The following GAS2L1 variants were observed in gnomAD, a reference collection of about 807,000 sequenced individuals.
GAS2L1 encodes the protein GAS2-like protein 1.
A neutral mutation model predicts 44.0 loss-of-function variants in GAS2L1; 26 were observed. That is an observed-to-expected ratio of 0.59 (90% CI 0.43 to 0.82). The LOEUF is 0.82. Among genes scored for constraint, GAS2L1 ranks in the 40% least tolerant of loss-of-function variants. The pLI is 0.00. For synonymous variants in GAS2L1, 426 were observed against 415.9 expected, an observed-to-expected ratio of 1.02 and a Z score of -0.30; for missense variants, 1,006 against 983.0, an observed-to-expected ratio of 1.02 and a Z score of -0.31.
At chr22:29,312,621 G>A in exon 5 of GAS2L1, 2 of 600,196 alleles carry the variant, frequency 3.3e-6, no homozygotes, top group Non-Finnish European at 5.5e-6. Flanking sequence ...AGACCCCTTG[G>A]GACCACATGG....
chr22:29,312,334 C>T (rs758277407), exon 5 of GAS2L1: 2 of 1,605,086 alleles, frequency 1.2e-6, no homozygotes, highest in Non-Finnish European at 1.7e-6. Context: ...ACTGAACCCT[C>T]GAGGACCTGG....
Position 29,312,298 on chromosome 22 carries a change from A to G in GAS2L1, c.1847A>G (p.Asp616Gly), listed in dbSNP as rs774816912. The change falls in exon 5 of 5, where the codon GAT becomes GGT. Residue 616 changes from aspartate (D) to glycine (G), a missense_variant. Asp to Gly is a moderately conservative substitution (Grantham distance 94). Transcript: ENST00000618518. ...TGCCCTGGCATGGGGGGGCCACTAG[A>G]TGCACCTGGGAGCCCCCTGGCTTGC... The G allele has an allele frequency of 2.5e-6, 4 of 1,608,302 alleles. No individual in the cohort carries two copies. The African/African-American group carries it at 4.0e-5, about 16-fold the overall frequency.
exon 1 of GAS2L1, chr22:29,308,052 C>T: frequency 6.9e-6 from 10 of 1,457,850 alleles, no homozygotes; most frequent in Non-Finnish European, 9.1e-6. Context: ...TTACTGGGTC[C>T]CCACAGCGAT....
At position 29,310,566 on chromosome 22, in the gene GAS2L1, C is replaced by G; in HGVS notation, c.741+20C>G. On this transcript the variant is annotated intron_variant, in intron 2 of 4. Transcript: ENST00000618518. ...GTGCGGGTAAGGGCCTGGGGCCGCC[C>G]CAGCGGGCAGCAGCCAAGGTGGTGG... 3.1e-6 allele frequency: 5 copies of G among 1,590,284 alleles called. No homozygotes were observed. Among genetic ancestry groups the G allele is most frequent in the Non-Finnish European group, 4.3e-6 (5 of 1,158,310 alleles).
intron 1 of GAS2L1, 75 bp downstream of exon 2, chr22:29,308,813 G>C (rs1408033499): frequency 2.0e-5 from 24 of 1,198,790 alleles, no homozygotes; most frequent in Non-Finnish European, 2.6e-5. Context: ...GAACCTCCCA[G>C]GGTCCACCCT....
intron 1 of GAS2L1, 186 bp from the exon 3 acceptor site, chr22:29,310,253 A>AT (rs2061388365): frequency 8.4e-6 from 3 of 355,390 alleles, no homozygotes; most frequent in African/African-American, 2.2e-5. Flanking sequence ...AAAAAAAAAA[A>AT]AAAATAAAAA....
chr22:29,307,992 T>A, exon 1 of GAS2L1: 1 of 830,048 alleles, frequency 1.2e-6, no homozygotes, highest in South Asian at 2.9e-5. Flanking sequence ...GCATTTGGCC[T>A]GAGTGACAGA....
intron 1 of GAS2L1, among the ~76,000 whole-genome samples, chr22:29,309,873 G>A (rs2061384640): frequency 6.6e-6 from 1 of 152,184 alleles, no homozygotes; most frequent in Non-Finnish European, 1.5e-5. Context: ...TGGGATGTTC[G>A]TCACCGGGTC....
chr22:29,307,075 G>A (rs1344909128), exon 1 of GAS2L1: 1 of 151,914 alleles, frequency 6.6e-6, no homozygotes, highest in East Asian at 1.9e-4. Context: ...TGCGGCTCGG[G>A]CGGCGCCTCC....
chr22:29,307,051 G>A (rs962948832), upstream of GAS2L1: 5 of 152,110 alleles, frequency 3.3e-5, no homozygotes, highest in African/African-American at 1.2e-4. Context: ...GCCGCGGCGC[G>A]GGACGCATAG....
chr22:29,312,508 C>T lies in GAS2L1; in HGVS notation c.*11C>T, dbSNP rs41281615. On this transcript the variant is annotated 3_prime_UTR_variant, in exon 5 of 5. Transcript: ENST00000618518. ...GATTCCTGGATGTGATGGACCAGCTCAGCTGTCCCCAGACCCCATCCCTTC... is the reference window on the plus strand; with the variant it reads ...GATTCCTGGATGTGATGGACCAGCTTAGCTGTCCCCAGACCCCATCCCTTC... The T allele has an allele frequency of 1.4e-3, 2,037 of 1,489,212 alleles. 4 individuals carry two copies. Among genetic ancestry groups the T allele is most frequent in the Non-Finnish European group, 1.8e-3 (1,960 of 1,114,958 alleles). The allele number at this position is 1,489,212 out of a possible 1,614,324, so 92.2% of individuals were successfully genotyped here.
In GAS2L1 at chr22:29,308,329, C is replaced by T. The variant is rs1453807736; in HGVS notation, c.224C>T (p.Ala75Val). Residue 75 changes from alanine (A) to valine (V), a missense_variant, in exon 1 of 5, where the codon GCA (alanine) becomes GTA (valine). By Grantham distance (64) the Ala-to-Val change is moderately conservative. Coordinates refer to ENST00000618518, the Ensembl canonical transcript of GAS2L1. Reference sequence around the variant, plus strand: ...AACGCCGTGACCGAGGCTGCCCGTGCATTGGCAGCCGCCCGCCCGGCCCGA... The same window carrying T: ...AACGCCGTGACCGAGGCTGCCCGTGTATTGGCAGCCGCCCGCCCGGCCCGA... 3 of 1,604,448 alleles carry T rather than the reference C, an allele frequency of 1.9e-6. No homozygotes were observed. In the Admixed American group the frequency reaches 5.0e-5, roughly 27 times the overall value.
At chr22:29,308,406 G>C in exon 1 of GAS2L1, 1 of 1,608,374 alleles carries the variant, frequency 6.2e-7, no homozygotes, top group Non-Finnish European at 8.5e-7. Flanking sequence ...CATGGCGCGC[G>C]ACAACGTGGC....
exon 5 of GAS2L1, chr22:29,312,285 G>C: frequency 2.5e-6 from 4 of 1,609,682 alleles, no homozygotes; most frequent in Non-Finnish European, 1.7e-6. Context: ...CCCTGGCATG[G>C]GGGGGCCACT....
chr22:29,311,503 A>G (rs1405280631), exon 5 of GAS2L1: 20 of 1,520,494 alleles, frequency 1.3e-5, no homozygotes, highest in Non-Finnish European at 1.7e-5. Flanking sequence ...TCCCGCCGCT[A>G]CTCCGGGGAC....
exon 5 of GAS2L1, chr22:29,311,735 C>T (rs1051838385): frequency 2.0e-6 from 3 of 1,532,772 alleles, no homozygotes; most frequent in African/African-American, 2.7e-5. Context: ...TGTCGGTCCC[C>T]AGCCCTGCCC....
chr22:29,309,013 C>T (rs1038161294), intron 1 of GAS2L1, among the ~76,000 whole-genome samples: 8 of 152,256 alleles, frequency 5.3e-5, no homozygotes, highest in Non-Finnish European at 8.8e-5. Flanking sequence ...TGTGTGCTAA[C>T]TGTGCCTCAA....
chr22:29,308,859 G>A (rs970471152), intron 1 of GAS2L1, 121 bp downstream of exon 2: 10 of 773,724 alleles, frequency 1.3e-5, no homozygotes, highest in Admixed American at 3.5e-5. Context: ...CAAAAAGAGT[G>A]CACATGTTGA....
exon 5 of GAS2L1, chr22:29,311,863 C>A: frequency 6.3e-7 from 1 of 1,594,458 alleles, no homozygotes. Context: ...GGCAGGAGCA[C>A]CCCCCAGACT....
Sources: gnomAD v4.1 joint callset for allele counts (sites outside exome capture counted in the v4.1 genomes callset) on GRCh38, gnomAD v4.1.1 for gene constraint, MANE v1.5 for transcripts, NCBI Gene and HGNC (gene_info 2026-07-23, HGNC 2026-07-21) for gene names.